The following SH3BGR variants were observed in gnomAD, a reference collection of about 807,000 sequenced individuals.
SH3BGR encodes the protein SH3 domain binding glutamate rich protein.
A neutral mutation model predicts 24.5 loss-of-function variants in SH3BGR; 29 were observed. The observed-to-expected ratio is 1.18, with a 90% CI of 0.88 to 1.61. SH3BGR has a LOEUF of 1.61. Among genes scored for constraint, SH3BGR ranks in the 40% most tolerant of loss-of-function variants. SH3BGR has a pLI of 0.00. For synonymous variants in SH3BGR, 55 were observed against 65.7 expected, an observed-to-expected ratio of 0.84 and a Z score of 0.79; for missense variants, 162 against 205.8, an observed-to-expected ratio of 0.79 and a Z score of 1.30.
intron 1 of SH3BGR, among the ~76,000 whole-genome samples, chr21:39,461,702 G>A (rs533464781): frequency 1.4e-4 from 21 of 152,088 alleles, no homozygotes; most frequent in Admixed American, 5.9e-4. Context: ...ACTCAGCTCT[G>A]GTTACAAAGG....
In SH3BGR at chr21:39,511,741, A is replaced by AAGG. The variant is rs1401825829; in HGVS notation, c.500_502dup (p.Gly167dup). 6.9e-7 allele frequency: 1 copy of AAGG among 1,453,208 alleles called. No individual in the cohort carries two copies. The highest frequency in any genetic ancestry group is 9.4e-7 in the Non-Finnish European group (1 of 1,058,214). The allele number at this position is 1,453,208 out of a possible 1,614,324, so 90.0% of individuals were successfully genotyped here. A position where few individuals can be genotyped will look rare whatever the true frequency, so the allele number is the denominator to read the frequency against. On this transcript the variant is annotated inframe_insertion, in exon 6 of 7. Coordinates refer to ENST00000333634, the MANE Select transcript of SH3BGR (RefSeq NM_007341.3). This position sits in a 1 kb window ranked among gnomAD's most constrained non-coding sequence, Gnocchi z 4.2. ...GCCGAGGAGGAGGAAGAAACTGCAGAAGGAGAAGAGCCTGGAGAAGACGAA... is the reference window on the plus strand; with the variant it reads ...GCCGAGGAGGAGGAAGAAACTGCAGAAGGAGGAGAAGAGCCTGGAGAAGACGAA...
intron 3 of SH3BGR, 32 bp from the exon 4 acceptor site, chr21:39,499,791 G>C: frequency 7.1e-7 from 1 of 1,412,174 alleles, no homozygotes; most frequent in Non-Finnish European, 9.8e-7. Flanking sequence ...TTCTGTTTTT[G>C]AGCTCATATC....
intron 1 of SH3BGR, among the ~76,000 whole-genome samples, chr21:39,452,798 C>A (rs1569146919): frequency 6.6e-6 from 1 of 152,120 alleles, no homozygotes; most frequent in Non-Finnish European, 1.5e-5. Context: ...CTCTTCAATT[C>A]TGGCCTTCAT....
chr21:39,509,609 G>T (rs1180298579), intron 5 of SH3BGR, among the ~76,000 whole-genome samples: 3 of 151,410 alleles, frequency 2.0e-5, no homozygotes, highest in Non-Finnish European at 2.9e-5. Flanking sequence ...TGAGTAGCTG[G>T]AATTACAGGC....
rs764368542 is a variant in SH3BGR at position 39,508,997 on chromosome 21, GGAA to G, written c.413_415del (p.Glu138del). On this transcript the variant is annotated inframe_deletion and splice_region_variant, in exon 5 of 7. Coordinates refer to ENST00000333634, the MANE Select transcript of SH3BGR (RefSeq NM_007341.3). ...CTTTAATTTTGATTTATGGATGTAA[GGAA>G]GAAGAAGGAGAGACAGCCACAGAAG... The G allele has an allele frequency of 1.3e-4, 205 of 1,606,424 alleles. No homozygotes were observed. Among genetic ancestry groups the G allele is most frequent in the Middle Eastern group, 9.9e-4 (6 of 6,044 alleles).
chr21:39,479,581 G>A (rs1327554314), intron 3 of SH3BGR, among the ~76,000 whole-genome samples: 2 of 152,250 alleles, frequency 1.3e-5, no homozygotes, highest in African/African-American at 4.8e-5. Context: ...TCCCCTTTCA[G>A]AATGTGAACT....
chr21:39,462,665 A>G, intron 2 of SH3BGR, 105 bp downstream of exon 2: 1 of 706,458 alleles, frequency 1.4e-6, no homozygotes, highest in Non-Finnish European at 2.2e-6. Context: ...CACAACTGTC[A>G]GGTCATGGTC....
chr21:39,499,980 T>C, intron 4 of SH3BGR, 65 bp downstream of exon 4: 1 of 1,150,816 alleles, frequency 8.7e-7, no homozygotes, highest in Non-Finnish European at 1.3e-6. Flanking sequence ...TTTACAGGGC[T>C]TGTACAACTT....
At chr21:39,459,347 CCCA>C (rs1441109278) in intron 1 of SH3BGR, among the ~76,000 whole-genome samples, 1 of 152,056 alleles carries the variant, frequency 6.6e-6, no homozygotes, top group Non-Finnish European at 1.5e-5. Context: ...GTCTCAGCCT[CCCA>C]AGTAGCTTGC....
In SH3BGR at chr21:39,453,824, G is replaced by T. The variant is rs148323162; in HGVS notation, c.45+1683G>T. Among the ~76,000 whole-genome samples, 276 of 152,340 alleles carry T rather than the reference G, an allele frequency of 1.8e-3. 3 individuals carry two copies. The highest frequency in any genetic ancestry group is 6.0e-3 in the African/African-American group (250 of 41,570). On this transcript the variant is annotated intron_variant, in intron 1 of 6. Transcript: ENST00000333634. ...GTGTTGTCATGAGGACTGATGAAAT[G>T]ATGTGCGTGGGTGCCCCGCATGGTG... is the stretch of plus-strand genomic sequence containing the variant.
At chr21:39,483,964 G>T (rs1020881717) in intron 3 of SH3BGR, among the ~76,000 whole-genome samples, 5 of 152,160 alleles carry the variant, frequency 3.3e-5, no homozygotes, top group Non-Finnish European at 7.3e-5. Context: ...ATACACTAAG[G>T]CAATGAAATT....
At chr21:39,509,239 G>A (rs956644101) in intron 5 of SH3BGR, among the ~76,000 whole-genome samples, 2 of 152,136 alleles carry the variant, frequency 1.3e-5, no homozygotes, top group Admixed American at 6.5e-5. Flanking sequence ...GGGCTTGGCT[G>A]TGGACTCTGT....
intron 1 of SH3BGR, among the ~76,000 whole-genome samples, chr21:39,455,406 G>C (rs1001765346): frequency 9.2e-5 from 14 of 152,220 alleles, no homozygotes; most frequent in African/African-American, 3.4e-4. Context: ...ACCCTGGAGG[G>C]TGGAGAAGGG....
intron 1 of SH3BGR, among the ~76,000 whole-genome samples, chr21:39,456,875 G>A (rs925090114): frequency 1.1e-4 from 16 of 152,056 alleles, no homozygotes; most frequent in Non-Finnish European, 2.2e-4. Flanking sequence ...GTGGCAAACA[G>A]AGCCTTTAAT....
upstream of SH3BGR, among the ~76,000 whole-genome samples, chr21:39,449,157 C>G (rs2077545512): frequency 6.6e-6 from 1 of 152,198 alleles, no homozygotes. Flanking sequence ...GCACACATGC[C>G]TGAATTTCCT....
chr21:39,514,099 A>G (rs143082948), intron 6 of SH3BGR, among the ~76,000 whole-genome samples: 3,355 of 152,288 alleles, frequency 0.022, 53 homozygotes, highest in Non-Finnish European at 0.033. Context: ...CTGACAGTGA[A>G]GGAGTAAACC....
intron 1 of SH3BGR, among the ~76,000 whole-genome samples, chr21:39,456,062 A>G (rs1311114974): frequency 6.6e-6 from 1 of 152,230 alleles, no homozygotes; most frequent in Non-Finnish European, 1.5e-5. Context: ...AACATAAGTC[A>G]AGACTTTTGG....
At chr21:39,493,788 C>G (rs892959201) in intron 3 of SH3BGR, among the ~76,000 whole-genome samples, 3 of 152,156 alleles carry the variant, frequency 2.0e-5, no homozygotes, top group African/African-American at 7.2e-5. Context: ...TCTATGATTT[C>G]TTTCAGCAGT....
intron 4 of SH3BGR, among the ~76,000 whole-genome samples, chr21:39,501,366 A>G (rs963244266): frequency 1.4e-4 from 21 of 152,202 alleles, no homozygotes; most frequent in African/African-American, 4.8e-4. Flanking sequence ...CTGTGAAGTG[A>G]TGAATCACCC....
Sources: gnomAD v4.1 joint callset for allele counts (sites outside exome capture counted in the v4.1 genomes callset) on GRCh38, gnomAD v4.1.1 for gene constraint, Gnocchi (gnomAD v3.1) non-coding constraint, MANE v1.5 for transcripts, NCBI Gene and HGNC (gene_info 2026-07-23, HGNC 2026-07-21) for gene names.